The following CUEDC1 variants were observed in gnomAD, a reference collection of about 807,000 sequenced individuals.
CUEDC1 encodes CUE domain containing 1, also known as CUE domain-containing protein 1.
A neutral mutation model predicts 43.7 loss-of-function variants in CUEDC1; 30 were observed. The observed-to-expected ratio is 0.69, with a 90% CI of 0.51 to 0.93. CUEDC1 has a LOEUF of 0.93. Ranked by LOEUF, CUEDC1 falls within the 40% of genes least tolerant of loss-of-function variation. The probability of loss-of-function intolerance (pLI) is 0.00; values close to 1 mark genes in which losing one functional copy is unlikely to be tolerated. For missense variants in CUEDC1, 486 were observed against 549.0 expected (o/e 0.89, Z 1.15); for synonymous variants, 223 against 223.6 (o/e 1.00, Z 0.02).
intron 1 of CUEDC1, among the ~76,000 whole-genome samples, chr17:57,921,610 T>C (rs1333574251): frequency 6.6e-6 from 1 of 152,264 alleles, no homozygotes; most frequent in Admixed American, 6.5e-5. Context: ...CCGGTTTCTC[T>C]GCAGGCTCAC....
Position 57,868,259 on chromosome 17 carries a change from C to T in CUEDC1, c.941-16G>A. On this transcript the variant is annotated splice_polypyrimidine_tract_variant and intron_variant, in intron 7 of 10. Transcript: ENST00000577830. ...CTCCGGGTGGCTGGGGGCAGAGAGACCTGTGAGTCATTCTCTCAGCAGCCA... is the reference window on the plus strand; with the variant it reads ...CTCCGGGTGGCTGGGGGCAGAGAGATCTGTGAGTCATTCTCTCAGCAGCCA... 3 of 1,610,636 alleles carry T rather than the reference C, an allele frequency of 1.9e-6. No homozygotes were observed. Among genetic ancestry groups the T allele is most frequent in the Non-Finnish European group, 2.5e-6 (3 of 1,176,918 alleles).
rs777662888 is a variant in CUEDC1 at position 57,869,192 on chromosome 17, T to C, written c.870A>G (p.Gly290=). 1 of 1,613,740 alleles carries C rather than the reference T, an allele frequency of 6.2e-7. No individual in the cohort carries two copies. The highest frequency in any genetic ancestry group is 8.5e-7 in the Non-Finnish European group (1 of 1,179,852). Residue 290 remains glycine (G), a splice_region_variant and synonymous_variant, in exon 7 of 11, where the codon GGA becomes GGG. Coordinates refer to ENST00000577830, the MANE Select transcript of CUEDC1 (RefSeq NM_001271875.2). The stretch of plus-strand genomic sequence containing the variant: ...ACACAGCGGGGTTGGCGTCGCCAGT[T>C]CCTGGAAGGAGACACCTGCTGAAGG... ...NDFGFSSPVP[G]TGDANPAVSE...
chr17:57,910,713 G>A (rs2074573862), intron 1 of CUEDC1, among the ~76,000 whole-genome samples: 1 of 152,140 alleles, frequency 6.6e-6, no homozygotes, highest in African/African-American at 2.4e-5. Context: ...AACTGTCCTG[G>A]ATGGTACAAC....
intron 1 of CUEDC1, among the ~76,000 whole-genome samples, chr17:57,937,789 C>T (rs113757895): frequency 6.2e-4 from 94 of 151,930 alleles, no homozygotes; most frequent in African/African-American, 2.0e-3. Flanking sequence ...GCCTGTAGTC[C>T]CAGCTACTCA....
intron 1 of CUEDC1, among the ~76,000 whole-genome samples, chr17:57,940,080 C>T (rs1041529374): frequency 1.3e-5 from 2 of 152,112 alleles, no homozygotes; most frequent in Non-Finnish European, 2.9e-5. Context: ...CATCACTATC[C>T]TCCCTGTACA....
At position 57,885,515 on chromosome 17, in the gene CUEDC1, G is replaced by T; in HGVS notation, c.50C>A (p.Thr17Asn). ...RSSSGSGGGG[T>N]AGARGGGGGT... is the part of the protein sequence containing the mutation. ...TCCCCCGCCCCCGCGTGCCCCGGCG[G>T]TGCCACCCCCGCCGCTGCCGCTGCT... is the stretch of plus-strand genomic sequence containing the variant. Residue 17 changes from threonine to asparagine, a missense_variant, in exon 2 of 11, where the codon ACC becomes AAC. Transcript: ENST00000577830. The T allele has an allele frequency of 2.1e-6, 3 of 1,414,152 alleles. No individual in the cohort carries two copies. Among genetic ancestry groups the T allele is most frequent in the Non-Finnish European group, 2.8e-6 (3 of 1,090,898 alleles). 87.6% of individuals were successfully genotyped at this position (1,414,152 alleles called of 1,614,324 possible). A position where few individuals can be genotyped will look rare whatever the true frequency, so the allele number is the denominator to read the frequency against.
Position 57,924,554 on chromosome 17 carries a change from C to T in CUEDC1, c.-316+30671G>A, listed in dbSNP as rs551108709. On this transcript the variant is annotated intron_variant, in intron 1 of 10. Transcript: ENST00000577830. Reference sequence around the variant, plus strand: ...CCGTGTGTTGCGTGGCTAAGCAAGGCACCCAGCCCCAGGCCCAGGGAATGA... The same window carrying T: ...CCGTGTGTTGCGTGGCTAAGCAAGGTACCCAGCCCCAGGCCCAGGGAATGA... Among the ~76,000 whole-genome samples, 20 of 152,300 alleles carry T rather than the reference C, an allele frequency of 1.3e-4. No homozygotes were observed. In the South Asian group the frequency reaches 3.7e-3, roughly 28 times the overall value.
intron 3 of CUEDC1, among the ~76,000 whole-genome samples, chr17:57,876,105 ATCTGATCTCCC>A (rs1568031257): frequency 6.6e-6 from 1 of 152,012 alleles, no homozygotes; most frequent in Non-Finnish European, 1.5e-5. Flanking sequence ...CCCCACTCAA[ATCTGATCTCCC>A]TCAGCAGCCA....
chr17:57,891,790 A>C (rs1467231481), intron 1 of CUEDC1, among the ~76,000 whole-genome samples: 4 of 152,106 alleles, frequency 2.6e-5, no homozygotes, highest in African/African-American at 9.7e-5. Flanking sequence ...GTCCCTACTC[A>C]ACCATCACCT....
chr17:57,868,338 C>G (rs1003339128), intron 7 of CUEDC1, 95 bp from the exon 8 acceptor site: 13 of 1,113,898 alleles, frequency 1.2e-5, no homozygotes, highest in Non-Finnish European at 1.6e-5. Context: ...AGGACCAAGG[C>G]CCCCCGGAGA....
At chr17:57,939,552 T>A (rs1040729262) in intron 1 of CUEDC1, among the ~76,000 whole-genome samples, 1 of 152,080 alleles carries the variant, frequency 6.6e-6, no homozygotes, top group African/African-American at 2.4e-5. Flanking sequence ...AGTGCTGACA[T>A]TACAGGCGTG....
At chr17:57,943,201 CA>C (rs1394683089) in intron 1 of CUEDC1, among the ~76,000 whole-genome samples, 1 of 152,130 alleles carries the variant, frequency 6.6e-6, no homozygotes, top group Admixed American at 6.5e-5. Context: ...GAGCCCTTCC[CA>C]AAGCCCCTGG....
intron 1 of CUEDC1, among the ~76,000 whole-genome samples, chr17:57,947,456 G>C (rs1489848308): frequency 6.6e-6 from 1 of 152,176 alleles, no homozygotes; most frequent in Non-Finnish European, 1.5e-5. Context: ...ATGTGGCTGA[G>C]ACTGTTATAC....
chr17:57,919,473 T>C (rs1050749966), intron 1 of CUEDC1, among the ~76,000 whole-genome samples: 1 of 152,106 alleles, frequency 6.6e-6, no homozygotes, highest in South Asian at 2.1e-4. Flanking sequence ...TGCCCGGCGA[T>C]ATATGTCAAT....
intron 1 of CUEDC1, among the ~76,000 whole-genome samples, chr17:57,919,201 C>CG (rs2074675724): frequency 1.3e-5 from 2 of 150,750 alleles, no homozygotes; most frequent in Admixed American, 1.3e-4. Flanking sequence ...TTTTGTGAGA[C>CG]GGAGTTCTGC....
intron 1 of CUEDC1, among the ~76,000 whole-genome samples, chr17:57,917,926 G>A (rs1867540600): frequency 1.3e-5 from 2 of 152,208 alleles, no homozygotes; most frequent in Non-Finnish European, 2.9e-5. Context: ...TTTTGGTGGG[G>A]TACATGGACT....
chr17:57,867,130 C>T (rs2073970232), intron 9 of CUEDC1: 1 of 593,824 alleles, frequency 1.7e-6, no homozygotes, highest in African/African-American at 1.9e-5. Flanking sequence ...GCTACAGGTA[C>T]ACATCTAGGT....
intron 1 of CUEDC1, among the ~76,000 whole-genome samples, chr17:57,921,629 G>A (rs1171829180): frequency 6.6e-6 from 1 of 152,178 alleles, no homozygotes; most frequent in Admixed American, 6.5e-5. Context: ...ACGAGGGCTG[G>A]GGAGCTTCTG....
intron 8 of CUEDC1, 121 bp from the exon 9 acceptor site, chr17:57,867,536 AC>A (rs978660902): frequency 1.6e-5 from 13 of 829,944 alleles, no homozygotes; most frequent in African/African-American, 1.0e-4. Flanking sequence ...CACCCACCTG[AC>A]CCCCCACACC....
Sources: gnomAD v4.1 joint callset for allele counts (sites outside exome capture counted in the v4.1 genomes callset) on GRCh38, gnomAD v4.1.1 for gene constraint, MANE v1.5 for transcripts, NCBI Gene and HGNC (gene_info 2026-07-23, HGNC 2026-07-21) for gene names.